The following CDH19 variants were observed in gnomAD, a reference collection of about 807,000 sequenced individuals.
The protein encoded by CDH19 is cadherin 19.
A neutral mutation model predicts 64.2 loss-of-function variants in CDH19; 67 were observed. That is an observed-to-expected ratio of 1.04 (90% confidence interval 0.86 to 1.28). CDH19 has a LOEUF of 1.28. CDH19 is among the 50% of genes most tolerant of loss of function. CDH19 has a pLI of 0.00. For missense variants in CDH19, 1,030 were observed against 929.0 expected, an observed-to-expected ratio of 1.11 and a Z score of -1.41; for synonymous variants, 346 against 319.3, an observed-to-expected ratio of 1.08 and a Z score of -0.89.
rs76145235 is a variant in CDH19, at chr18:66,591,326, A to G, written c.-113+12628T>C. Among the ~76,000 whole-genome samples, 39 of 152,042 alleles carry G rather than the reference A, an allele frequency of 2.6e-4. No homozygotes were observed. In the East Asian group the frequency reaches 7.0e-3, roughly 27 times the overall value. ...TTATTAATCAGTTCCTGGAGTGCAT[A>G]AGATAATCACTGGTAATCACCCATT... On this transcript the variant is annotated intron_variant, in intron 1 of 11. Transcript: ENST00000262150.
chr18:66,537,495 T>A (rs1296486052), intron 7 of CDH19, among the ~76,000 whole-genome samples: 1 of 152,026 alleles, frequency 6.6e-6, no homozygotes, highest in Non-Finnish European at 1.5e-5. Context: ...GAATAGGTGA[T>A]GACGACCCCA....
chr18:66,586,500 G>A (rs912910717), intron 1 of CDH19, among the ~76,000 whole-genome samples: 1 of 151,366 alleles, frequency 6.6e-6, no homozygotes, highest in African/African-American at 2.4e-5. Context: ...AGTAGTTAGA[G>A]AATATTACCT....
intron 1 of CDH19, among the ~76,000 whole-genome samples, chr18:66,573,562 A>T (rs956479312): frequency 6.6e-6 from 1 of 151,636 alleles, no homozygotes; most frequent in Non-Finnish European, 1.5e-5. Context: ...GAAATTGCTA[A>T]AATATATATT....
intron 2 of CDH19, among the ~76,000 whole-genome samples, chr18:66,571,588 C>T (rs1190706499): frequency 6.6e-6 from 1 of 151,538 alleles, no homozygotes; most frequent in African/African-American, 2.4e-5. Context: ...CCTGAAGCTA[C>T]TTAACTGTAG....
At chr18:66,518,537 G>T (rs941701710) in intron 9 of CDH19, among the ~76,000 whole-genome samples, 1 of 151,842 alleles carries the variant, frequency 6.6e-6, no homozygotes, top group Non-Finnish European at 1.5e-5. Context: ...TCCCACCTAG[G>T]TTTACTTTTA....
rs116957667 is a variant in CDH19 at position 66,568,406 on chromosome 18, T to C, written c.490+10A>G. 5,811 of 1,588,208 alleles carry C rather than the reference T, an allele frequency of 3.7e-3. 16 individuals carry two copies. The highest frequency in any genetic ancestry group is 3.9e-3 in the Non-Finnish European group (4,529 of 1,164,770). Reference sequence around the variant, plus strand: ...TTAATATATCTTTGATGTAAATTAATATGCAATACCTTCTGGAGACATCTC... The same window carrying C: ...TTAATATATCTTTGATGTAAATTAACATGCAATACCTTCTGGAGACATCTC... On this transcript the variant is annotated intron_variant, in intron 3 of 11. Coordinates refer to ENST00000262150, the MANE Select transcript of CDH19 (RefSeq NM_021153.4).
At chr18:66,571,916 T>C (rs538476079) in intron 2 of CDH19, 94 bp downstream of exon 2, 1 of 886,314 alleles carries the variant, frequency 1.1e-6, no homozygotes, top group Non-Finnish European at 1.7e-6. Context: ...GGCTTCACTG[T>C]AAAAATGTGG....
chr18:66,533,664 G>A (rs1986543815), intron 8 of CDH19, among the ~76,000 whole-genome samples: 1 of 151,910 alleles, frequency 6.6e-6, no homozygotes, highest in African/African-American at 2.4e-5. Flanking sequence ...CTGATAAATA[G>A]CATTGTGCTT....
intron 7 of CDH19, among the ~76,000 whole-genome samples, chr18:66,542,883 A>G (rs1986943631): frequency 6.6e-6 from 1 of 152,156 alleles, no homozygotes; most frequent in Non-Finnish European, 1.5e-5. Flanking sequence ...TTTATTCTGA[A>G]ACCATTCCCC....
intron 3 of CDH19, among the ~76,000 whole-genome samples, chr18:66,556,199 A>C (rs1987512537): frequency 6.6e-6 from 1 of 151,724 alleles, no homozygotes. Flanking sequence ...TTATGCATAT[A>C]GATAGTAACA....
At chr18:66,522,461 G>A (rs1313251611) in intron 9 of CDH19, among the ~76,000 whole-genome samples, 4 of 151,856 alleles carry the variant, frequency 2.6e-5, no homozygotes, top group African/African-American at 9.7e-5. Flanking sequence ...TGTTGGCCAG[G>A]CTGGTTTCGA....
At chr18:66,601,939 T>C (rs1035851157) in intron 1 of CDH19, among the ~76,000 whole-genome samples, 1 of 151,968 alleles carries the variant, frequency 6.6e-6, no homozygotes, top group African/African-American at 2.4e-5. Flanking sequence ...AGGGGCTGTC[T>C]TCACCATTGA....
chr18:66,513,928 T>C (rs1164074416), intron 9 of CDH19, among the ~76,000 whole-genome samples: 4 of 151,444 alleles, frequency 2.6e-5, no homozygotes, highest in African/African-American at 9.7e-5. Flanking sequence ...ATCATCTATA[T>C]ACAGTGCATT....
At chr18:66,582,005 A>T (rs1349849263) in intron 1 of CDH19, among the ~76,000 whole-genome samples, 2 of 152,116 alleles carry the variant, frequency 1.3e-5, no homozygotes, top group Non-Finnish European at 2.9e-5. Flanking sequence ...TACTGATCTT[A>T]AAGACATCAA....
At chr18:66,586,155 T>C (rs926234548) in intron 1 of CDH19, among the ~76,000 whole-genome samples, 4 of 152,022 alleles carry the variant, frequency 2.6e-5, no homozygotes, top group Non-Finnish European at 4.4e-5. Context: ...CAGCTTCTCA[T>C]AGAGAAAAAC....
intron 1 of CDH19, among the ~76,000 whole-genome samples, chr18:66,587,636 A>G (rs1469886734): frequency 2.6e-5 from 4 of 152,134 alleles, no homozygotes; most frequent in Admixed American, 6.6e-5. Context: ...GAACTGAAAC[A>G]CTGAAAGGCC....
intron 3 of CDH19, among the ~76,000 whole-genome samples, chr18:66,555,395 A>G (rs1377375024): frequency 6.6e-6 from 1 of 151,754 alleles, no homozygotes; most frequent in Non-Finnish European, 1.5e-5. Context: ...ATCGTAGCCC[A>G]ATTTTATAAA....
rs970744296 is a variant in CDH19 at position 66,544,868 on chromosome 18, T to C, written c.811A>G (p.Thr271Ala). ...YRLTVSESAPTGTSIGTIMAY... is the reference protein window; with the variant it reads ...YRLTVSESAPAGTSIGTIMAY... ...ATGATTGTTCCTATAGAAGTCCCAG[T>C]GGGTGCAGATTCAGAGACAGTCAAG... is the stretch of plus-strand genomic sequence containing the variant. Residue 271 changes from threonine to alanine, a missense_variant, in exon 6 of 12, where the codon ACT (threonine) becomes GCT (alanine). Transcript: ENST00000262150. 6.2e-7 allele frequency: 1 copy of C among 1,611,698 alleles called. No homozygotes were observed. Among genetic ancestry groups the C allele is most frequent in the African/African-American group, 1.3e-5 (1 of 74,864 alleles).
chr18:66,514,212 T>C (rs933558272), intron 9 of CDH19, among the ~76,000 whole-genome samples: 1 of 151,414 alleles, frequency 6.6e-6, no homozygotes, highest in South Asian at 2.1e-4. Context: ...GTAGTAAGTG[T>C]AGCCCTCTAG....
Sources: allele counts gnomAD v4.1 joint callset (sites outside exome capture counted in the v4.1 genomes callset), GRCh38; gene constraint gnomAD v4.1.1; transcripts MANE v1.5; gene names NCBI Gene and HGNC (gene_info 2026-07-23, HGNC 2026-07-21).